The following NPHP4 variants were observed in gnomAD, a reference collection of about 807,000 sequenced individuals.
The protein encoded by NPHP4 is nephrocystin 4, also known as nephrocystin-4.
NPHP4 carries 151 observed loss-of-function variants against 155.8 expected under a neutral mutation model. That is an observed-to-expected ratio of 0.97 (90% CI 0.85 to 1.11). The LOEUF (loss-of-function observed/expected upper bound fraction) is 1.11, where lower values mean the gene tolerates loss of function less well. Ranked by LOEUF, NPHP4 falls within the 50% of genes least tolerant of loss-of-function variation. The pLI is 0.00. For missense variants in NPHP4, 1,956 were observed against 1,925.7 expected, an observed-to-expected ratio of 1.02 and a Z score of -0.29; for synonymous variants, 845 against 816.8, an observed-to-expected ratio of 1.03 and a Z score of -0.59.
chr1:5,926,166 A>T (rs1321064576), intron 11 of NPHP4, among the ~76,000 whole-genome samples: 1 of 152,192 alleles, frequency 6.6e-6, no homozygotes, highest in Admixed American at 6.5e-5. Context: ...GGTAAACAGA[A>T]ATCTTGAGAA....
chr1:5,936,679 G>T (rs745705157), intron 9 of NPHP4, among the ~76,000 whole-genome samples: 1 of 152,182 alleles, frequency 6.6e-6, no homozygotes, highest in Non-Finnish European at 1.5e-5. Context: ...TTTTGTTGTG[G>T]AACAGAAGTG....
At chr1:5,927,238 C>A (rs764692149) in intron 11 of NPHP4, among the ~76,000 whole-genome samples, 8 of 152,230 alleles carry the variant, frequency 5.3e-5, no homozygotes, top group Admixed American at 2.0e-4. Flanking sequence ...AGACTCAGAT[C>A]ACACACTCCT....
chr1:5,986,283 C>T lies in NPHP4; in HGVS notation c.7G>A (p.Asp3Asn), dbSNP rs145078518. 2.0e-5 allele frequency: 33 copies of T among 1,613,552 alleles called. No individual in the cohort carries two copies. The South Asian group carries it at 2.6e-4, about 13-fold the overall frequency. The change falls in exon 2 of 30, where the codon GAC (aspartate) becomes AAC (asparagine). Residue 3 changes from aspartate to asparagine, a missense_variant. Physicochemically the swap from Asp to Asn is conservative, Grantham distance 23 (BLOSUM62 1). Coordinates refer to ENST00000378156, the MANE Select transcript of NPHP4 (RefSeq NM_015102.5). ...TTTTGGGTGAAGATCCTGTGCCAGT[C>T]GTTCATCCTGCCCGCCTGAGGGTCC... is the stretch of plus-strand genomic sequence containing the variant. The part of the protein sequence containing the change: MN[D>N]WHRIFTQNVL...
rs560072294 is a variant in NPHP4 at position 5,873,780 on chromosome 1, T to C, written c.3232-445A>G. 1.8e-5 allele frequency: 5 copies of C among 281,036 alleles called. No homozygotes were observed. The East Asian group carries it at 6.2e-4, about 35-fold the overall frequency. The allele number at this position is 281,036 out of a possible 1,614,324, so 17.4% of individuals were successfully genotyped here. A position where few individuals can be genotyped will look rare whatever the true frequency, so the allele number is the denominator to read the frequency against. ...ATGACACACCCCCTGCAGGCACACC[T>C]CACACACCACCCCCTGCACACAAGT... On this transcript the variant is annotated intron_variant, in intron 22 of 29. Transcript: ENST00000378156.
chr1:5,904,468 C>A lies in NPHP4; in HGVS notation c.2143+149G>T. The A allele has an allele frequency of 5.6e-6, 3 of 533,606 alleles. No homozygotes were observed. The South Asian group carries it at 1.5e-4, about 26-fold the overall frequency. The allele number at this position is 533,606 out of a possible 1,614,324, so 33.1% of individuals were successfully genotyped here. Reference sequence around the variant, plus strand: ...GGGAGGCAGCTGAGAGCTGCTGGGGCTAAGTGTTTGCTGCACTGGTCACCG... The same window carrying A: ...GGGAGGCAGCTGAGAGCTGCTGGGGATAAGTGTTTGCTGCACTGGTCACCG... On this transcript the variant is annotated intron_variant, in intron 16 of 29. Coordinates refer to ENST00000378156, the MANE Select transcript of NPHP4 (RefSeq NM_015102.5).
chr1:5,925,209 T>C (rs561199578), intron 11 of NPHP4, among the ~76,000 whole-genome samples: 1 of 152,382 alleles, frequency 6.6e-6, no homozygotes, highest in South Asian at 2.1e-4. Flanking sequence ...TGGATGGTTG[T>C]ATCTGCACTG....
rs1644038885 is a variant in NPHP4, at chr1:5,890,055, G to A, written c.2304+813C>T. 6.6e-6 allele frequency among the ~76,000 whole-genome samples: 1 copy of A among 152,106 alleles called. No homozygotes were observed. Among genetic ancestry groups the A allele is most frequent in the Non-Finnish European group, 1.5e-5 (1 of 68,026 alleles). Reference sequence around the variant, plus strand: ...AGCACAGCGCAGCTGAAGGAGCAGAGGAGCCGTGCTTCTCAGGGGTCAGCA... The same window carrying A: ...AGCACAGCGCAGCTGAAGGAGCAGAAGAGCCGTGCTTCTCAGGGGTCAGCA... On this transcript the variant is annotated intron_variant, in intron 17 of 29. Coordinates refer to ENST00000378156, the MANE Select transcript of NPHP4 (RefSeq NM_015102.5). The surrounding 1 kb of genome is among the most constrained non-coding windows in gnomAD (Gnocchi z 4.9).
At position 5,864,119 on chromosome 1, in the gene NPHP4, G is replaced by C. The variant is rs111416784; in HGVS notation, c.3997-86C>G. On this transcript the variant is annotated intron_variant, in intron 28 of 29. Transcript: ENST00000378156. ...CCTCCAAGTATTCCCTGAGTCTCCT[G>C]TGCACCGTGCACGGGGACCCCCACA... is the stretch of plus-strand genomic sequence containing the variant. 4.8e-6 allele frequency: 7 copies of C among 1,467,198 alleles called. No homozygotes were observed. In the South Asian group the frequency reaches 6.1e-5, roughly 13 times the overall value. 90.9% of individuals were successfully genotyped at this position (1,467,198 alleles called of 1,614,324 possible).
rs1021024243 is a variant in NPHP4 at position 5,867,081 on chromosome 1, T to C, written c.3507A>G (p.Pro1169=). ...TCGGGTCGCTGCAGCGAACATGGAC[T>C]GGGGGGTCCTCACCAAGCATTCCCA... The part of the protein sequence containing the change: ...APVGMLGEDP[P]VHVRCSDPNV... Residue 1169 remains proline, a synonymous_variant, in exon 25 of 30, where the codon CCA becomes CCG. Coordinates refer to ENST00000378156, the MANE Select transcript of NPHP4 (RefSeq NM_015102.5). This position sits in a 1 kb window ranked among gnomAD's most constrained non-coding sequence, Gnocchi z 4.1. 2 of 1,612,992 alleles carry C rather than the reference T, an allele frequency of 1.2e-6. No homozygotes were observed. The highest frequency in any genetic ancestry group is 1.7e-6 in the Non-Finnish European group (2 of 1,179,522).
chr1:5,978,263 G>A lies in NPHP4; in HGVS notation c.279+7C>T, dbSNP rs1275766996. The A allele has an allele frequency of 1.2e-6, 2 of 1,602,158 alleles. No individual in the cohort carries two copies. Among genetic ancestry groups the A allele is most frequent in the Admixed American group, 1.7e-5 (1 of 58,460 alleles). ...GAGCAGCCCCTGCCACCATCACCAG[G>A]GCCCACCTCATTAAAGACGATCCTG... On this transcript the variant is annotated splice_region_variant and intron_variant, in intron 3 of 29. Coordinates refer to ENST00000378156, the MANE Select transcript of NPHP4 (RefSeq NM_015102.5).
At position 5,862,993 on chromosome 1, in the gene NPHP4, T is replaced by G; in HGVS notation, c.*272A>C. 1.9e-6 allele frequency: 1 copy of G among 515,148 alleles called. No homozygotes were observed. Among genetic ancestry groups the G allele is most frequent in the Non-Finnish European group, 3.5e-6 (1 of 285,932 alleles). The allele number at this position is 515,148 out of a possible 1,614,324, so 31.9% of individuals were successfully genotyped here. On this transcript the variant is annotated 3_prime_UTR_variant, in exon 30 of 30. Coordinates refer to ENST00000378156, the MANE Select transcript of NPHP4 (RefSeq NM_015102.5). Reference sequence around the variant, plus strand: ...CAACAGCGATAACGAGGGTCCCACATGCGTAGATGGCAGCACCAGAGCCAG... The same window carrying G: ...CAACAGCGATAACGAGGGTCCCACAGGCGTAGATGGCAGCACCAGAGCCAG...
In NPHP4 at chr1:5,877,225, G is replaced by C; in HGVS notation, c.2685C>G (p.Ala895=). 1 of 1,608,674 alleles carries C rather than the reference G, an allele frequency of 6.2e-7. No individual in the cohort carries two copies. Among genetic ancestry groups the C allele is most frequent in the East Asian group, 2.2e-5 (1 of 44,676 alleles). Reference sequence around the variant, plus strand: ...CGTCCTGGGGCCCCTTGCCCTGCCGGGCATGGGTCAGTAGCATGGCAGCCA... The same window carrying C: ...CGTCCTGGGGCCCCTTGCCCTGCCGCGCATGGGTCAGTAGCATGGCAGCCA... ...SELAAMLLTH[A]RQGKGPQDVS... is the part of the protein sequence containing the mutation. Residue 895 remains alanine (A), a synonymous_variant, in exon 20 of 30, where the codon GCC becomes GCG. Coordinates refer to ENST00000378156, the MANE Select transcript of NPHP4 (RefSeq NM_015102.5).
chr1:5,882,127 T>C lies in NPHP4; in HGVS notation c.2486-1888A>G. 6.6e-6 allele frequency: 1 copy of C among 152,144 alleles called. No individual in the cohort carries two copies. The highest frequency in any genetic ancestry group is 1.5e-5 in the Non-Finnish European group (1 of 68,088). The allele number at this position is 152,144 out of a possible 1,614,324, so 9.4% of individuals were successfully genotyped here. A position where few individuals can be genotyped will look rare whatever the true frequency, so the allele number is the denominator to read the frequency against. On this transcript the variant is annotated intron_variant, in intron 18 of 29. Coordinates refer to ENST00000378156, the MANE Select transcript of NPHP4 (RefSeq NM_015102.5). The surrounding 1 kb of genome is among the most constrained non-coding windows in gnomAD (Gnocchi z 5.1). ...AAGGATGGGAAGGCTGGCTGCCTCC[T>C]CCCACGCCCTAGGTGGCAACCAGAA...
chr1:5,963,156 A>C (rs1162487899), intron 5 of NPHP4, among the ~76,000 whole-genome samples: 1 of 152,252 alleles, frequency 6.6e-6, no homozygotes, highest in Admixed American at 6.5e-5. Flanking sequence ...CACGCCCATA[A>C]TTCCAGCACA....
intron 29 of NPHP4, 38 bp downstream of exon 29, chr1:5,863,852 G>A: frequency 6.2e-7 from 1 of 1,611,140 alleles, no homozygotes; most frequent in Non-Finnish European, 8.5e-7. Context: ...AGGTCCCCGG[G>A]TCTTCCCCTA....
At chr1:5,904,510 C>T (rs1452536921) in intron 16 of NPHP4, 107 bp downstream of exon 16, 2 of 824,518 alleles carry the variant, frequency 2.4e-6, no homozygotes, top group Admixed American at 2.8e-5. Flanking sequence ...TCTAATGTTG[C>T]ATATGTTTTA....
chr1:5,965,163 C>A (rs1458157989), intron 5 of NPHP4, among the ~76,000 whole-genome samples: 2 of 151,542 alleles, frequency 1.3e-5, no homozygotes, highest in Non-Finnish European at 2.9e-5. Flanking sequence ...AAACTCCTGG[C>A]CTTAAGCAAT....
At chr1:5,895,801 C>A (rs188333030) in intron 16 of NPHP4, among the ~76,000 whole-genome samples, 34 of 152,164 alleles carry the variant, frequency 2.2e-4, no homozygotes, top group Non-Finnish European at 7.3e-5. Flanking sequence ...ATTAGGAGAC[C>A]GGCTGAATAA....
At chr1:5,961,179 C>T (rs1650250563) in intron 6 of NPHP4, among the ~76,000 whole-genome samples, 1 of 152,148 alleles carries the variant, frequency 6.6e-6, no homozygotes, top group African/African-American at 2.4e-5. Context: ...TGATCCCAGT[C>T]CTATGAGGTC....
Sources: gnomAD v4.1 joint callset for allele counts (sites outside exome capture counted in the v4.1 genomes callset) on GRCh38, gnomAD v4.1.1 for gene constraint, Gnocchi (gnomAD v3.1) non-coding constraint, MANE v1.5 for transcripts, NCBI Gene and HGNC (gene_info 2026-07-23, HGNC 2026-07-21) for gene names.